The following ITGA8 variants were observed in gnomAD, a reference collection of about 807,000 sequenced individuals.
ITGA8 encodes the protein integrin subunit alpha 8, also known as integrin alpha-8.
ITGA8 carries 91 observed loss-of-function variants against 142.3 expected under a neutral mutation model. That is an observed-to-expected ratio of 0.64 (90% CI 0.54 to 0.76). The LOEUF is 0.76. Ranked by LOEUF, ITGA8 falls within the 30% of genes least tolerant of loss-of-function variation. The pLI is 0.00. For synonymous variants in ITGA8, 505 were observed against 485.2 expected (o/e 1.04, Z -0.54); for missense variants, 1,406 against 1,327.7 (o/e 1.06, Z -0.92).
At chr10:15,671,507 T>C (rs1834517676) in intron 8 of ITGA8, 96 bp downstream of exon 8, 13 of 972,590 alleles carry the variant, frequency 1.3e-5, no homozygotes, top group Middle Eastern at 4.1e-4. Context: ...CCCTTTGGTA[T>C]AGCAAATAAA....
intron 4 of ITGA8, among the ~76,000 whole-genome samples, chr10:15,680,320 C>T (rs915641719): frequency 1.0e-4 from 15 of 145,216 alleles, no homozygotes; most frequent in African/African-American, 3.8e-4. Context: ...CTCCGCCTCC[C>T]GGGTTCACGC....
chr10:15,635,911 C>T (rs1833763877), intron 13 of ITGA8, among the ~76,000 whole-genome samples: 1 of 123,328 alleles, frequency 8.1e-6, no homozygotes, highest in South Asian at 2.7e-4. Context: ...TACTTGTTTG[C>T]TTATACTACA....
chr10:15,649,394 G>A (rs1043957988), intron 11 of ITGA8, among the ~76,000 whole-genome samples: 2 of 151,790 alleles, frequency 1.3e-5, no homozygotes, highest in Admixed American at 6.6e-5. Context: ...ACTTTGGGAG[G>A]CCGAGGTGGT....
intron 26 of ITGA8, among the ~76,000 whole-genome samples, chr10:15,552,457 C>A (rs1588639795): frequency 6.6e-6 from 1 of 152,168 alleles, no homozygotes; most frequent in African/African-American, 2.4e-5. Flanking sequence ...TTTTTCAAAT[C>A]ATTAATACTG....
intron 2 of ITGA8, among the ~76,000 whole-genome samples, chr10:15,702,466 T>G (rs1835182326): frequency 6.6e-6 from 1 of 152,180 alleles, no homozygotes; most frequent in Admixed American, 6.5e-5. Flanking sequence ...AATTTTTGTA[T>G]TTTTGATAGA....
intron 20 of ITGA8, among the ~76,000 whole-genome samples, chr10:15,597,562 A>G (rs1833030540): frequency 6.6e-6 from 1 of 152,222 alleles, no homozygotes; most frequent in Non-Finnish European, 1.5e-5. Context: ...TAGTATTTAT[A>G]TAAATAGCTT....
chr10:15,672,867 T>C, intron 6 of ITGA8, 118 bp from the exon 7 acceptor site: 1 of 1,136,128 alleles, frequency 8.8e-7, no homozygotes, highest in East Asian at 2.8e-5. Context: ...GATGATGAAT[T>C]TTCCCGCCTG....
intron 20 of ITGA8, among the ~76,000 whole-genome samples, chr10:15,600,140 T>A (rs1041259635): frequency 6.6e-6 from 1 of 152,240 alleles, no homozygotes; most frequent in African/African-American, 2.4e-5. Context: ...CTTTAAGTTC[T>A]AGGGTGCATG....
At chr10:15,540,981 G>T (rs1039669528) in intron 27 of ITGA8, among the ~76,000 whole-genome samples, 29 of 152,178 alleles carry the variant, frequency 1.9e-4, no homozygotes, top group African/African-American at 6.8e-4. Flanking sequence ...GGAAGTTATT[G>T]CCCCTTTGCT....
At chr10:15,546,465 A>G (rs1833670507) in intron 27 of ITGA8, among the ~76,000 whole-genome samples, 1 of 152,230 alleles carries the variant, frequency 6.6e-6, no homozygotes, top group South Asian at 2.1e-4. Flanking sequence ...CAGTGGTTCA[A>G]AATGGGATGA....
At chr10:15,582,679 T>G (rs2131589076) in intron 23 of ITGA8, among the ~76,000 whole-genome samples, 1 of 152,374 alleles carries the variant, frequency 6.6e-6, no homozygotes, top group African/African-American at 2.4e-5. Flanking sequence ...ACTGAAAAGA[T>G]GCCCAATGTA....
intron 6 of ITGA8, 136 bp from the exon 7 acceptor site, chr10:15,672,885 A>C (rs1834554529): frequency 1.1e-6 from 1 of 905,362 alleles, no homozygotes; most frequent in Non-Finnish European, 1.6e-6. Flanking sequence ...CTGCCGCTCA[A>C]ACTCCAAGGC....
In ITGA8 at chr10:15,517,041, T is replaced by TAG; in HGVS notation, c.*116_*117insCT. On this transcript the variant is annotated 3_prime_UTR_variant, in exon 30 of 30. Transcript: ENST00000378076. ...ATGAGGTGATGTTTCCAGGGTCCCC[T>TAG]CCATTTCCTGGGTCACTGTCAGGTA... The TAG allele has an allele frequency of 1.5e-5, 8 of 547,404 alleles. No homozygotes were observed. The highest frequency in any genetic ancestry group is 3.4e-5 in the South Asian group (1 of 29,024). 33.9% of individuals were successfully genotyped at this position (547,404 alleles called of 1,614,324 possible).
chr10:15,714,763 A>C (rs1835420866), intron 2 of ITGA8, among the ~76,000 whole-genome samples: 1 of 152,224 alleles, frequency 6.6e-6, no homozygotes, highest in Non-Finnish European at 1.5e-5. Flanking sequence ...AAATGGAGGA[A>C]CAGGATCTCA....
intron 23 of ITGA8, among the ~76,000 whole-genome samples, chr10:15,585,321 A>G (rs1013612164): frequency 6.6e-6 from 1 of 152,170 alleles, no homozygotes; most frequent in African/African-American, 2.4e-5. Flanking sequence ...TTGTGCCGCA[A>G]TTCCCTCACC....
intron 13 of ITGA8, among the ~76,000 whole-genome samples, chr10:15,624,185 C>G (rs551260849): frequency 1.3e-5 from 2 of 152,342 alleles, no homozygotes; most frequent in South Asian, 2.1e-4. Context: ...CCCGTTGTCT[C>G]TCTTTGAATC....
rs1318075372 is a variant in ITGA8, at chr10:15,684,057, T to A, written c.515A>T (p.Tyr172Phe). Residue 172 changes from tyrosine to phenylalanine, a missense_variant, in exon 4 of 30, where the codon TAT becomes TTT. By Grantham distance (22) the Tyr-to-Phe change is conservative (BLOSUM62 3). Coordinates refer to ENST00000378076, the MANE Select transcript of ITGA8 (RefSeq NM_003638.3). ...TPEKDPVGTC[Y>F]VAIQNFSAYA... ...GGCGCTGAAGTTCTGAATTGCTACATAGCAGGTGCCAACTGGGTCCTTTTC... is the reference window on the plus strand; with the variant it reads ...GGCGCTGAAGTTCTGAATTGCTACAAAGCAGGTGCCAACTGGGTCCTTTTC... 1.9e-6 allele frequency: 3 copies of A among 1,614,196 alleles called. No homozygotes were observed. Among genetic ancestry groups the A allele is most frequent in the Non-Finnish European group, 2.5e-6 (3 of 1,180,020 alleles).
chr10:15,619,325 G>A (rs975262696), intron 13 of ITGA8, among the ~76,000 whole-genome samples: 2 of 152,108 alleles, frequency 1.3e-5, no homozygotes, highest in African/African-American at 4.8e-5. Context: ...AAGTTCTCCA[G>A]GTCAAAACCA....
At chr10:15,606,695 T>C (rs9333162) in intron 17 of ITGA8, among the ~76,000 whole-genome samples, 2,806 of 152,226 alleles carry the variant, frequency 0.018, 50 homozygotes, top group Non-Finnish European at 0.029. Flanking sequence ...CAACAACTCA[T>C]GCAGAACTGG....
Sources: allele counts gnomAD v4.1 joint callset (sites outside exome capture counted in the v4.1 genomes callset), GRCh38; gene constraint gnomAD v4.1.1; transcripts MANE v1.5; gene names NCBI Gene and HGNC (gene_info 2026-07-23, HGNC 2026-07-21).